The following LYPLAL1 variants were observed in gnomAD, a reference collection of about 807,000 sequenced individuals.
LYPLAL1 encodes the protein lysophospholipase-like protein 1.
A neutral mutation model predicts 19.7 loss-of-function variants in LYPLAL1; 23 were observed. The ratio of observed to expected loss-of-function variants is 1.17; its 90% CI spans 0.84 to 1.65. LYPLAL1 has a LOEUF of 1.65. LYPLAL1 is among the 40% of genes most tolerant of loss of function. The probability of loss-of-function intolerance (pLI) is 0.00; values close to 1 mark genes in which losing one functional copy is unlikely to be tolerated. For synonymous variants in LYPLAL1, 119 were observed against 96.3 expected, an observed-to-expected ratio of 1.24 and a Z score of -1.38; for missense variants, 355 against 279.4, an observed-to-expected ratio of 1.27 and a Z score of -1.93.
chr1:219,263,092 T>C, the LYPLAL1 span, among the ~76,000 whole-genome samples: 1 of 152,120 alleles, frequency 6.6e-6, no homozygotes, highest in African/African-American at 2.4e-5. Context: ...CCCAAGAATT[T>C]ATGTGTTTTG....
At chr1:219,304,153 G>T in the LYPLAL1 span, among the ~76,000 whole-genome samples, 4 of 152,074 alleles carry the variant, frequency 2.6e-5, no homozygotes, top group South Asian at 2.1e-4. Context: ...ATATTTGCCA[G>T]ATTTTACCTT....
the LYPLAL1 span, among the ~76,000 whole-genome samples, chr1:219,385,269 T>A: frequency 1.3e-5 from 2 of 152,124 alleles, no homozygotes; most frequent in African/African-American, 4.8e-5. Context: ...ATGATTCCAA[T>A]AGGTTCAGTT....
the LYPLAL1 span, among the ~76,000 whole-genome samples, chr1:219,402,127 AG>A: frequency 2.6e-5 from 4 of 152,206 alleles, no homozygotes; most frequent in Admixed American, 1.3e-4. Flanking sequence ...AAAGAAAAAC[AG>A]AGAATTGGAT....
the LYPLAL1 span, among the ~76,000 whole-genome samples, chr1:219,412,631 A>G: frequency 1.3e-5 from 2 of 152,208 alleles, no homozygotes; most frequent in African/African-American, 2.4e-5. Flanking sequence ...TAAAATGACC[A>G]TGAAGAATCC....
At chr1:219,319,416 G>A in the LYPLAL1 span, among the ~76,000 whole-genome samples, 1 of 152,166 alleles carries the variant, frequency 6.6e-6, no homozygotes, top group Admixed American at 6.5e-5. Flanking sequence ...GAACTGCTGA[G>A]AGGATTCCAT....
the LYPLAL1 span, among the ~76,000 whole-genome samples, chr1:219,420,886 G>A: frequency 6.6e-6 from 1 of 152,082 alleles, no homozygotes; most frequent in Admixed American, 6.6e-5. Context: ...AGTAGATGTA[G>A]CATGCTCTTT....
the LYPLAL1 span, among the ~76,000 whole-genome samples, chr1:219,382,929 C>T: frequency 6.6e-5 from 10 of 151,536 alleles, no homozygotes; most frequent in South Asian, 2.1e-4. Flanking sequence ...CCCACCTACT[C>T]GGTGCAATAT....
chr1:219,306,806 A>G, the LYPLAL1 span, among the ~76,000 whole-genome samples: 4 of 135,286 alleles, frequency 3.0e-5, no homozygotes, highest in African/African-American at 5.8e-5. Context: ...AGATGCATAG[A>G]TAGATATAGA....
chr1:219,303,334 A>G, the LYPLAL1 span, among the ~76,000 whole-genome samples: 1 of 152,248 alleles, frequency 6.6e-6, no homozygotes, highest in African/African-American at 2.4e-5. Flanking sequence ...AGTGGGTAAT[A>G]AAAACAATAC....
At chr1:219,322,880 TTAAGGCTGGATTC>T in the LYPLAL1 span, among the ~76,000 whole-genome samples, 1 of 152,222 alleles carries the variant, frequency 6.6e-6, no homozygotes, top group Non-Finnish European at 1.5e-5. Flanking sequence ...GTTTTAGATT[TTAAGGCTGGATTC>T]TAAATGCCAG....
At chr1:219,189,298 G>A (rs1273744447) in intron 2 of LYPLAL1, among the ~76,000 whole-genome samples, 1 of 151,482 alleles carries the variant, frequency 6.6e-6, no homozygotes, top group African/African-American at 2.4e-5. Context: ...AATTCAGAAG[G>A]GTAATAGGCT....
At chr1:219,416,363 T>C in the LYPLAL1 span, among the ~76,000 whole-genome samples, 2 of 152,158 alleles carry the variant, frequency 1.3e-5, no homozygotes, top group African/African-American at 4.8e-5. Context: ...TCACCTGGGA[T>C]TTGCCCAATG....
chr1:219,310,052 A>G, the LYPLAL1 span, among the ~76,000 whole-genome samples: 142 of 152,312 alleles, frequency 9.3e-4, 1 homozygote, highest in African/African-American at 3.2e-3. Context: ...CTCTCTGGGA[A>G]ATAATATTAT....
At chr1:219,257,663 G>C in the LYPLAL1 span, among the ~76,000 whole-genome samples, 2 of 151,930 alleles carry the variant, frequency 1.3e-5, no homozygotes, top group African/African-American at 4.8e-5. Flanking sequence ...AAGATTGCAA[G>C]GCAAAGGGCA....
chr1:219,415,442 G>A, the LYPLAL1 span, among the ~76,000 whole-genome samples: 1 of 152,212 alleles, frequency 6.6e-6, no homozygotes, highest in Non-Finnish European at 1.5e-5. Flanking sequence ...TTATTCAGGT[G>A]AAAATATCAT....
At chr1:219,221,932 G>A in the LYPLAL1 span, among the ~76,000 whole-genome samples, 1 of 152,102 alleles carries the variant, frequency 6.6e-6, no homozygotes, top group African/African-American at 2.4e-5. Flanking sequence ...TCACGTTATG[G>A]TGACTTCCCT....
the LYPLAL1 span, among the ~76,000 whole-genome samples, chr1:219,269,070 C>T: frequency 7.2e-4 from 109 of 152,324 alleles, 1 homozygote; most frequent in South Asian, 0.022. Context: ...CAAGCCATGG[C>T]CAGCAGTCTC....
chr1:219,373,892 A>AC, the LYPLAL1 span, among the ~76,000 whole-genome samples: 1 of 150,434 alleles, frequency 6.6e-6, no homozygotes, highest in African/African-American at 2.4e-5. Context: ...CAAAAAAAAA[A>AC]ACACAAAAAC....
the LYPLAL1 span, among the ~76,000 whole-genome samples, chr1:219,345,437 GT>G: frequency 6.6e-6 from 1 of 152,088 alleles, no homozygotes; most frequent in Non-Finnish European, 1.5e-5. Context: ...GTGATGAATA[GT>G]TTTTTGGGGA....
Sources: gnomAD v4.1 joint callset for allele counts (sites outside exome capture counted in the v4.1 genomes callset) on GRCh38, gnomAD v4.1.1 for gene constraint, MANE v1.5 for transcripts, NCBI Gene and HGNC (gene_info 2026-07-23, HGNC 2026-07-21) for gene names.